The following APOC3 variants were observed in gnomAD, a reference collection of about 807,000 sequenced individuals.
APOC3 encodes apolipoprotein C3.
APOC3 carries 6 observed loss-of-function variants against 7.3 expected under a neutral mutation model. The ratio of observed to expected loss-of-function variants is 0.82; its 90% CI spans 0.45 to 1.61. The LOEUF is 1.61. APOC3 is among the 40% of genes most tolerant of loss of function. The probability of loss-of-function intolerance (pLI) is 0.01; values close to 1 mark genes in which losing one functional copy is unlikely to be tolerated. For missense variants in APOC3, 123 were observed against 124.9 expected, an observed-to-expected ratio of 0.98 and a Z score of 0.07; for synonymous variants, 45 against 51.2, an observed-to-expected ratio of 0.88 and a Z score of 0.52.
intron 3 of APOC3, 169 bp downstream of exon 3, chr11:116,831,065 G>C (rs1941441520): frequency 1.2e-6 from 1 of 819,170 alleles, no homozygotes; most frequent in Non-Finnish European, 1.9e-6. Context: ...GCTGCTGCGG[G>C]AGAGATGACA....
intron 3 of APOC3, chr11:116,831,189 ATTTCTTTC>A (rs1210737487): frequency 0.043 from 6,381 of 147,162 alleles, 133 homozygotes; most frequent in South Asian, 0.083. Context: ...TTCTCTTTCT[ATTTCTTTC>A]TTTCTTTCTT....
chr11:116,830,228 C>T (rs781466038), intron 1 of APOC3, among the ~76,000 whole-genome samples: 14 of 152,148 alleles, frequency 9.2e-5, no homozygotes, highest in Non-Finnish European at 1.6e-4. Context: ...TTAGACAGCC[C>T]AGTCCTACCC....
intron 2 of APOC3, 66 bp downstream of exon 2, chr11:116,830,703 G>A (rs1277656565): frequency 1.9e-6 from 3 of 1,613,142 alleles, no homozygotes; most frequent in South Asian, 2.2e-5. Flanking sequence ...AGTCCCAATG[G>A]GTGGTCAAGC....
chr11:116,831,252 T>TC (rs1222545509), intron 3 of APOC3, among the ~76,000 whole-genome samples: 2 of 91,102 alleles, frequency 2.2e-5, no homozygotes, highest in East Asian at 3.0e-4. Flanking sequence ...TTTCTTTCTT[T>TC]CTTTCCTTTC....
At chr11:116,830,664 G>A (rs371805175) in intron 2 of APOC3, 27 bp downstream of exon 2, 1 of 1,613,676 alleles carries the variant, frequency 6.2e-7, no homozygotes, top group East Asian at 2.2e-5. Context: ...ACTGGGCTGG[G>A]GGCAGGGTGG....
At position 116,830,803 on chromosome 11, in the gene APOC3, TCAGCTTCATG is replaced by T; in HGVS notation, c.90_99del (p.Ser30ArgfsTer4). ...TCAGAGGCCGAGGATGCCTCCCTTC[TCAGCTTCATG>T]CAGGGTTACATGAAGCACGCCACCA... On this transcript the variant is annotated frameshift_variant, in exon 3 of 4. Transcript: ENST00000227667. LOFTEE classifies it high-confidence loss of function. The T allele has an allele frequency of 6.2e-7, 1 of 1,613,162 alleles. No homozygotes were observed. Among genetic ancestry groups the T allele is most frequent in the Non-Finnish European group, 8.5e-7 (1 of 1,179,918 alleles).
At position 116,832,964 on chromosome 11, in the gene APOC3, G is replaced by T. The variant is rs1941479384; in HGVS notation, c.*80G>T. 6 of 1,603,334 alleles carry T rather than the reference G, an allele frequency of 3.7e-6. No homozygotes were observed. The highest frequency in any genetic ancestry group is 2.2e-5 in the South Asian group (2 of 90,586). On this transcript the variant is annotated 3_prime_UTR_variant, in exon 4 of 4. Transcript: ENST00000227667. The stretch of plus-strand genomic sequence containing the variant: ...TGCAATCTCCAGGGCTGCCCCTGTA[G>T]GTTGCTTAAAAGGGACAGTATTCTC...
Position 116,832,887 on chromosome 11 carries a change from C to T in APOC3, c.*3C>T, listed in dbSNP as rs1303323958. The T allele has an allele frequency of 2.5e-6, 4 of 1,613,586 alleles. No individual in the cohort carries two copies. The highest frequency in any genetic ancestry group is 2.2e-5 in the East Asian group (1 of 44,902). On this transcript the variant is annotated 3_prime_UTR_variant, in exon 4 of 4. Transcript: ENST00000227667. ...CAACTTCAGCCGTGGCTGCCTGAGA[C>T]CTCAATACCCCAAGTCCACCTGCCT...
rs944403888 is a variant in APOC3 at position 116,832,656 on chromosome 11, G to T, written c.180-108G>T. ...TGTCGTCCAGTGAAGTTGAGAGGGTGGTGTGGTCCTGACTGGTGTCGTCCA... is the reference window on the plus strand; with the variant it reads ...TGTCGTCCAGTGAAGTTGAGAGGGTTGTGTGGTCCTGACTGGTGTCGTCCA... On this transcript the variant is annotated intron_variant, in intron 3 of 3. Coordinates refer to ENST00000227667, the MANE Select transcript of APOC3 (RefSeq NM_000040.3). The T allele has an allele frequency of 2.7e-6, 4 of 1,500,278 alleles. No homozygotes were observed. The African/African-American group carries it at 5.5e-5, about 21-fold the overall frequency. The allele number at this position is 1,500,278 out of a possible 1,614,324, so 92.9% of individuals were successfully genotyped here.
chr11:116,830,633 T>C lies in APOC3; in HGVS notation c.51T>C (p.Ser17=). 1 of 1,613,920 alleles carries C rather than the reference T, an allele frequency of 6.2e-7. No homozygotes were observed. Among genetic ancestry groups the C allele is most frequent in the Non-Finnish European group, 8.5e-7 (1 of 1,179,992 alleles). The change falls in exon 2 of 4, where the codon TCT becomes TCC. Residue 17 remains serine (S), a synonymous_variant. Transcript: ENST00000227667. The part of the protein sequence containing the change: ...LVVALLALLA[S]ARASEAEDAS... Reference sequence around the variant, plus strand: ...TTGCCCTCCTGGCGCTCCTGGCCTCTGCCCGTAAGCACTTGGTGGGACTGG... The same window carrying C: ...TTGCCCTCCTGGCGCTCCTGGCCTCCGCCCGTAAGCACTTGGTGGGACTGG...
rs1235733534 is a variant in APOC3 at position 116,830,882 on chromosome 11, G to A, written c.165G>A (p.Val55=). 6.2e-7 allele frequency: 1 copy of A among 1,612,174 alleles called. No homozygotes were observed. The highest frequency in any genetic ancestry group is 1.3e-5 in the African/African-American group (1 of 74,636). The stretch of plus-strand genomic sequence containing the variant: ...TGAGCAGCGTGCAGGAGTCCCAGGT[G>A]GCCCAGCAGGCCAGGTACACCCGCT... ...DALSSVQESQ[V]AQQARGWVTD... Residue 55 remains valine, a synonymous_variant, in exon 3 of 4, where the codon GTG becomes GTA. Coordinates refer to ENST00000227667, the MANE Select transcript of APOC3 (RefSeq NM_000040.3).
In APOC3 at chr11:116,832,255, G is replaced by A. The variant is rs559071280; in HGVS notation, c.180-509G>A. Among the ~76,000 whole-genome samples, 9 of 152,144 alleles carry A rather than the reference G, an allele frequency of 5.9e-5. No individual in the cohort carries two copies. The South Asian group carries it at 1.2e-3, about 21-fold the overall frequency. The stretch of plus-strand genomic sequence containing the variant: ...ATAAACATTCTTAGTCCCCAGAACC[G>A]GCTTTGGGGTAGGTGTTATTTTCTC... On this transcript the variant is annotated intron_variant, in intron 3 of 3. Transcript: ENST00000227667.
chr11:116,830,488 C>A, intron 1 of APOC3, 82 bp from the exon 2 acceptor site: 2 of 1,479,858 alleles, frequency 1.4e-6, no homozygotes, highest in Admixed American at 1.8e-5. Context: ...AAGGTTCTAC[C>A]TTAGGGGCCA....
chr11:116,832,647 T>G, intron 3 of APOC3, 117 bp from the exon 4 acceptor site: 278 of 1,452,032 alleles, frequency 1.9e-4, no homozygotes, highest in Non-Finnish European at 2.4e-4. Context: ...CCAGTGAAGT[T>G]GAGAGGGTGG....
intron 1 of APOC3, 33 bp from the exon 2 acceptor site, chr11:116,830,537 C>T: frequency 1.9e-6 from 3 of 1,612,748 alleles, no homozygotes; most frequent in Non-Finnish European, 2.5e-6. Flanking sequence ...GCATGGGGAC[C>T]TGGGGTGCCC....
intron 3 of APOC3, chr11:116,831,193 C>CTA (rs1268358807): frequency 0.016 from 462 of 29,040 alleles, 1 homozygote; most frequent in African/African-American, 0.025. Flanking sequence ...CTTTCTATTT[C>CTA]TTTCTTTCTT....
intron 3 of APOC3, chr11:116,831,230 TTTCTTTC>T: frequency 1.0e-5 from 2 of 195,802 alleles, no homozygotes; most frequent in Non-Finnish European, 9.2e-6. Flanking sequence ...TCTTTCTTTC[TTTCTTTC>T]TTTCTTTCTT....
intron 3 of APOC3, 22 bp downstream of exon 3, chr11:116,830,918 C>T (rs1941439714): frequency 6.2e-7 from 1 of 1,610,546 alleles, no homozygotes; most frequent in East Asian, 2.2e-5. Flanking sequence ...GGCCTCCCTC[C>T]CCATCCCCCC....
chr11:116,831,309 C>G (rs867733197), intron 3 of APOC3, among the ~76,000 whole-genome samples: 1 of 112,558 alleles, frequency 8.9e-6, no homozygotes, highest in South Asian at 2.6e-4. Context: ...TCCTTTCTTT[C>G]TCTTTCTTTC....
Sources: allele counts gnomAD v4.1 joint callset (sites outside exome capture counted in the v4.1 genomes callset), GRCh38; gene constraint gnomAD v4.1.1; transcripts MANE v1.5; gene names NCBI Gene and HGNC (gene_info 2026-07-23, HGNC 2026-07-21).